The following LRMDA variants were observed in gnomAD, a reference collection of about 807,000 sequenced individuals.
LRMDA encodes the protein leucine rich melanocyte differentiation associated.
A neutral mutation model predicts 29.8 loss-of-function variants in LRMDA; 18 were observed. That is an observed-to-expected ratio of 0.60 (90% CI 0.42 to 0.90). The LOEUF is 0.90. LRMDA is among the 40% of genes least tolerant of loss of function. The pLI is 0.00. For missense variants in LRMDA, 273 were observed against 273.9 expected (o/e 1.00, Z 0.02); for synonymous variants, 125 against 109.4 (o/e 1.14, Z -0.89).
chr10:76,265,657 GCC>G (rs1358051780), intron 5 of LRMDA, among the ~76,000 whole-genome samples: 2 of 152,158 alleles, frequency 1.3e-5, no homozygotes, highest in East Asian at 3.9e-4. Flanking sequence ...GACCCATCAG[GCC>G]CTTATGGGCT....
At chr10:76,550,974 CAG>C (rs1291137133) in intron 6 of LRMDA, among the ~76,000 whole-genome samples, 2 of 152,232 alleles carry the variant, frequency 1.3e-5, no homozygotes, top group African/African-American at 4.8e-5. Flanking sequence ...GGGCTGACCT[CAG>C]GGTATTGCTC....
At chr10:76,330,380 T>C (rs1840890049) in intron 6 of LRMDA, among the ~76,000 whole-genome samples, 1 of 152,144 alleles carries the variant, frequency 6.6e-6, no homozygotes, top group Admixed American at 6.5e-5. Context: ...TGGGAATAGA[T>C]TGAGGGGAAA....
chr10:76,444,831 A>G (rs1014312299), intron 6 of LRMDA, among the ~76,000 whole-genome samples: 11 of 152,146 alleles, frequency 7.2e-5, no homozygotes, highest in Non-Finnish European at 1.5e-4. Context: ...CTGTATGTGT[A>G]CTATATGTGT....
intron 6 of LRMDA, among the ~76,000 whole-genome samples, chr10:76,503,880 T>C (rs1336016994): frequency 6.6e-6 from 1 of 150,482 alleles, no homozygotes; most frequent in Non-Finnish European, 1.5e-5. Context: ...TTGGGGTTGG[T>C]TCTTTTTTTT....
At chr10:75,802,159 A>G (rs1002624824) in intron 2 of LRMDA, among the ~76,000 whole-genome samples, 5 of 152,160 alleles carry the variant, frequency 3.3e-5, no homozygotes, top group Admixed American at 3.3e-4. Context: ...TCTACAAAAA[A>G]TTTAAAAAAT....
chr10:75,435,531 A>C (rs943948417), intron 1 of LRMDA, among the ~76,000 whole-genome samples: 23 of 152,370 alleles, frequency 1.5e-4, no homozygotes, highest in African/African-American at 5.0e-4. Flanking sequence ...TTATCTAAGC[A>C]TGCAGATTAC....
intron 2 of LRMDA, among the ~76,000 whole-genome samples, chr10:75,783,184 G>T (rs1306945260): frequency 6.6e-6 from 1 of 152,132 alleles, no homozygotes. Flanking sequence ...AGAGTAAATT[G>T]GTGGGACATT....
chr10:76,488,817 C>T (rs2132333282), intron 6 of LRMDA, among the ~76,000 whole-genome samples: 1 of 151,954 alleles, frequency 6.6e-6, no homozygotes, highest in East Asian at 1.9e-4. Context: ...TATGTTGAAC[C>T]ATCCTTGAAT....
Position 75,777,709 on chromosome 10 carries a change from C to T in LRMDA, c.132-258299C>T, listed in dbSNP as rs578063877. ...GGATCTGAATCCTGGTCTTGCCACT[C>T]ACTAGTTCTGTGATTTGGGGCAGGT... On this transcript the variant is annotated intron_variant, in intron 2 of 6. Coordinates refer to ENST00000611255, the MANE Select transcript of LRMDA (RefSeq NM_001305581.2). Among the ~76,000 whole-genome samples the T allele has an allele frequency of 7.2e-5, 11 of 152,320 alleles. No homozygotes were observed. The South Asian group carries it at 2.3e-3, about 32-fold the overall frequency.
chr10:76,392,590 A>T (rs549542206), intron 6 of LRMDA, among the ~76,000 whole-genome samples: 1 of 152,224 alleles, frequency 6.6e-6, no homozygotes, highest in South Asian at 2.1e-4. Flanking sequence ...TTGGTGTCCA[A>T]CAAGTTTCAG....
intron 5 of LRMDA, among the ~76,000 whole-genome samples, chr10:76,070,572 A>G (rs1402692234): frequency 6.6e-6 from 1 of 152,214 alleles, no homozygotes; most frequent in Non-Finnish European, 1.5e-5. Context: ...TATTGTCTCC[A>G]GGTAGAGTCC....
chr10:75,690,567 G>GGT (rs1267658398), intron 2 of LRMDA, among the ~76,000 whole-genome samples: 2 of 151,984 alleles, frequency 1.3e-5, no homozygotes, highest in African/African-American at 2.4e-5. Context: ...CCTCCTGCCT[G>GGT]AGCTCCCAAG....
chr10:75,970,972 C>T (rs1215669764), intron 2 of LRMDA, among the ~76,000 whole-genome samples: 1 of 152,134 alleles, frequency 6.6e-6, no homozygotes, highest in Non-Finnish European at 1.5e-5. Context: ...GTAGTTGTTG[C>T]CCTGGGTCTA....
intron 5 of LRMDA, among the ~76,000 whole-genome samples, chr10:76,273,845 T>TGTAG (rs1259404079): frequency 1.3e-5 from 2 of 152,186 alleles, no homozygotes; most frequent in Non-Finnish European, 2.9e-5. Context: ...AAATGATCCA[T>TGTAG]GTAGAGTTCA....
chr10:76,034,362 A>G (rs1381037995), intron 2 of LRMDA, among the ~76,000 whole-genome samples: 2 of 152,128 alleles, frequency 1.3e-5, no homozygotes, highest in Admixed American at 6.5e-5. Flanking sequence ...AACCAAGAGG[A>G]AAAAGAGAAA....
At chr10:75,456,822 C>T (rs887292304) in intron 2 of LRMDA, among the ~76,000 whole-genome samples, 4 of 152,098 alleles carry the variant, frequency 2.6e-5, no homozygotes, top group Non-Finnish European at 4.4e-5. Flanking sequence ...ATTACAGGTG[C>T]GTGCCACCAC....
intron 5 of LRMDA, among the ~76,000 whole-genome samples, chr10:76,064,470 T>C (rs1201466359): frequency 1.3e-5 from 2 of 152,200 alleles, no homozygotes; most frequent in Non-Finnish European, 2.9e-5. Context: ...GTAGTTACAA[T>C]GAAATTTTCC....
At chr10:76,390,982 A>G (rs1295907196) in intron 6 of LRMDA, among the ~76,000 whole-genome samples, 1 of 152,222 alleles carries the variant, frequency 6.6e-6, no homozygotes, top group African/African-American at 2.4e-5. Flanking sequence ...AATTTTCAAC[A>G]TATGATAGTC....
chr10:76,211,841 T>C (rs7094302), intron 5 of LRMDA, among the ~76,000 whole-genome samples: 18,312 of 152,276 alleles, frequency 0.12, 1,474 homozygotes, highest in Middle Eastern at 0.22. Flanking sequence ...AAGCTAAATG[T>C]CTTCAGAGTC....
Sources: gnomAD v4.1 joint callset for allele counts (sites outside exome capture counted in the v4.1 genomes callset) on GRCh38, gnomAD v4.1.1 for gene constraint, MANE v1.5 for transcripts, NCBI Gene and HGNC (gene_info 2026-07-23, HGNC 2026-07-21) for gene names.